FMN1: variants seen among roughly 807,000 people sequenced by gnomAD.
FMN1 encodes the protein formin-1.
FMN1 carries 110 observed loss-of-function variants against 132.4 expected under a neutral mutation model. The observed-to-expected ratio is 0.83, with a 90% CI of 0.71 to 0.97. The LOEUF is 0.97. Among genes scored for constraint, FMN1 ranks in the 50% least tolerant of loss-of-function variants. The pLI is 0.00. For missense variants in FMN1, 1,792 were observed against 1,705.3 expected (o/e 1.05, Z -0.90); for synonymous variants, 722 against 651.7 (o/e 1.11, Z -1.64).
chr15:32,794,591 TAAAAA>T (rs1041013756), intron 19 of FMN1, among the ~76,000 whole-genome samples: 13 of 149,898 alleles, frequency 8.7e-5, no homozygotes, highest in African/African-American at 2.9e-4. Context: ...AAATAAAAAA[TAAAAA>T]AGAGTAAAGA....
At chr15:33,064,872 A>G in intron 6 of FMN1, 85 bp downstream of exon 6, 1 of 932,954 alleles carries the variant, frequency 1.1e-6, no homozygotes. Context: ...ATAAAACCCC[A>G]AATTCTGAGA....
At chr15:32,907,554 C>G (rs1159880714) in intron 12 of FMN1, among the ~76,000 whole-genome samples, 1 of 152,082 alleles carries the variant, frequency 6.6e-6, no homozygotes, top group South Asian at 2.1e-4. Context: ...GTTGGGGACC[C>G]GTTTCTAGAG....
Position 32,766,041 on chromosome 15 carries a change from G to A in FMN1, c.*8269C>T, listed in dbSNP as rs1466051108. The stretch of plus-strand genomic sequence containing the variant: ...TTATGCTTAAAAATATCCCAAGAGC[G>A]TGTAAGGTTTCATGTCTTTAAAGGG... On this transcript the variant is annotated 3_prime_UTR_variant, in exon 21 of 21. Coordinates refer to ENST00000616417, the MANE Select transcript of FMN1 (RefSeq NM_001277313.2). 1.3e-5 allele frequency: 2 copies of A among 152,138 alleles called. No homozygotes were observed. The highest frequency in any genetic ancestry group is 2.9e-5 in the Non-Finnish European group (2 of 68,014). The allele number at this position is 152,138 out of a possible 1,614,324, so 9.4% of individuals were successfully genotyped here.
At chr15:33,019,272 T>C (rs1444619067) in intron 6 of FMN1, among the ~76,000 whole-genome samples, 10 of 152,158 alleles carry the variant, frequency 6.6e-5, no homozygotes, top group Non-Finnish European at 1.5e-4. Flanking sequence ...CATTGGTGTA[T>C]TTACAAACCC....
intron 9 of FMN1, among the ~76,000 whole-genome samples, chr15:32,932,576 C>T (rs574455546): frequency 1.6e-4 from 24 of 152,224 alleles, no homozygotes; most frequent in Non-Finnish European, 3.2e-4. Context: ...CACTGCTTCC[C>T]TGTTAATTAT....
Position 32,766,173 on chromosome 15 carries a change from G to C in FMN1, c.*8137C>G, listed in dbSNP as rs1052401781. 1 of 152,144 alleles carries C rather than the reference G, an allele frequency of 6.6e-6. No homozygotes were observed. Among genetic ancestry groups the C allele is most frequent in the Non-Finnish European group, 1.5e-5 (1 of 68,042 alleles). 9.4% of individuals were successfully genotyped at this position (152,144 alleles called of 1,614,324 possible). On this transcript the variant is annotated 3_prime_UTR_variant, in exon 21 of 21. Transcript: ENST00000616417. Reference sequence around the variant, plus strand: ...AACAGAAAAGCCTATGTTTTACCAGGTTAAATGGCTATTTAGGACATGCTT... The same window carrying C: ...AACAGAAAAGCCTATGTTTTACCAGCTTAAATGGCTATTTAGGACATGCTT...
intron 4 of FMN1, among the ~76,000 whole-genome samples, chr15:33,101,122 A>C (rs569849248): frequency 9.2e-5 from 14 of 152,310 alleles, no homozygotes; most frequent in African/African-American, 3.4e-4. Flanking sequence ...AATAAAAATA[A>C]GTAAAAAGGT....
chr15:33,158,483 C>G (rs1375177321), intron 3 of FMN1, among the ~76,000 whole-genome samples: 1 of 151,866 alleles, frequency 6.6e-6, no homozygotes, highest in Non-Finnish European at 1.5e-5. Context: ...CTCATCCACC[C>G]AGAAACTTCC....
chr15:33,016,986 A>G lies in FMN1; in HGVS notation c.2162-8911T>C, dbSNP rs1052505151. On this transcript the variant is annotated intron_variant, in intron 6 of 20. Coordinates refer to ENST00000616417, the MANE Select transcript of FMN1 (RefSeq NM_001277313.2). ...TTTCCCCAGAGGTCTCCTTATGTGA[A>G]TAATAAATCTTTTCATGCCCTTGTG... Among the ~76,000 whole-genome samples, 7 of 152,204 alleles carry G rather than the reference A, an allele frequency of 4.6e-5. 1 individual carries two copies. Among genetic ancestry groups the G allele is most frequent in the Non-Finnish European group, 8.8e-5 (6 of 68,046 alleles).
At chr15:33,131,410 C>T (rs1019565618) in intron 4 of FMN1, among the ~76,000 whole-genome samples, 3 of 150,946 alleles carry the variant, frequency 2.0e-5, no homozygotes, top group Non-Finnish European at 4.4e-5. Context: ...ACTTTTATGG[C>T]TCTCTTTCTG....
At chr15:32,822,053 AAGAAGTACAACT>A (rs1284099393) in intron 17 of FMN1, among the ~76,000 whole-genome samples, 1 of 152,174 alleles carries the variant, frequency 6.6e-6, no homozygotes, top group Non-Finnish European at 1.5e-5. Flanking sequence ...TTTCAACTTG[AAGAAGTACAACT>A]TCAAGAGAAG....
chr15:33,107,263 C>CT (rs969367683), intron 4 of FMN1, among the ~76,000 whole-genome samples: 3 of 152,154 alleles, frequency 2.0e-5, no homozygotes, highest in African/African-American at 7.2e-5. Flanking sequence ...GCCACTACCT[C>CT]TCTCATCTGG....
intron 7 of FMN1, among the ~76,000 whole-genome samples, chr15:33,002,277 T>A: frequency 6.6e-6 from 1 of 152,162 alleles, no homozygotes; most frequent in East Asian, 1.9e-4. Flanking sequence ...ATAACTTGTA[T>A]ATGGAGAAAG....
Position 32,828,818 on chromosome 15 carries a change from T to C in FMN1, c.3929-24486A>G, listed in dbSNP as rs149600408. 1.4e-4 allele frequency among the ~76,000 whole-genome samples: 21 copies of C among 152,342 alleles called. 1 individual carries two copies. The East Asian group carries it at 2.7e-3, about 20-fold the overall frequency. The stretch of plus-strand genomic sequence containing the variant: ...GCATACATTCCGACTACTAGAAATA[T>C]TGATACAACAAAGGAACACGTTAGT... On this transcript the variant is annotated intron_variant, in intron 17 of 20. Coordinates refer to ENST00000616417, the MANE Select transcript of FMN1 (RefSeq NM_001277313.2).
chr15:32,810,468 A>G (rs1203999126), intron 17 of FMN1, among the ~76,000 whole-genome samples: 1 of 152,222 alleles, frequency 6.6e-6, no homozygotes, highest in East Asian at 1.9e-4. Context: ...GGAGGCACAA[A>G]TAGCATTAAC....
At chr15:33,018,028 G>T (rs1353240465) in intron 6 of FMN1, among the ~76,000 whole-genome samples, 1 of 150,750 alleles carries the variant, frequency 6.6e-6, no homozygotes, top group Non-Finnish European at 1.5e-5. Flanking sequence ...TCACACCACT[G>T]CACTCCAGCC....
chr15:33,053,302 C>T (rs1259309644), intron 6 of FMN1, among the ~76,000 whole-genome samples: 1 of 152,170 alleles, frequency 6.6e-6, no homozygotes, highest in Admixed American at 6.5e-5. Flanking sequence ...GGGTCGCAGG[C>T]ACCCCTGCCT....
intron 17 of FMN1, among the ~76,000 whole-genome samples, chr15:32,824,028 A>T (rs888870507): frequency 6.6e-6 from 1 of 152,246 alleles, no homozygotes; most frequent in African/African-American, 2.4e-5. Flanking sequence ...TGATTAAATA[A>T]GATTTCACTG....
intron 6 of FMN1, among the ~76,000 whole-genome samples, chr15:33,058,615 T>A (rs2037343306): frequency 1.3e-5 from 2 of 152,180 alleles, no homozygotes; most frequent in Admixed American, 1.3e-4. Context: ...CTTCTTTGAT[T>A]CCTATTTGAG....
Sources: gnomAD v4.1 joint callset for allele counts (sites outside exome capture counted in the v4.1 genomes callset) on GRCh38, gnomAD v4.1.1 for gene constraint, MANE v1.5 for transcripts, NCBI Gene and HGNC (gene_info 2026-07-23, HGNC 2026-07-21) for gene names.